Variants in NMBR observed in about 807,000 individuals in gnomAD.
NMBR encodes the protein neuromedin-B receptor.
In NMBR, 16 loss-of-function variants were observed where a neutral mutation model predicts 20.5. The observed-to-expected ratio is 0.78, with a 90% confidence interval of 0.53 to 1.19. NMBR has a LOEUF of 1.19. Among genes scored for constraint, NMBR ranks in the 50% most tolerant of loss-of-function variants. The pLI, the probability that NMBR is intolerant of heterozygous loss-of-function variation, is 0.00. For synonymous variants in NMBR, 212 were observed against 196.6 expected (o/e 1.08, Z -0.65); for missense variants, 582 against 499.1 (o/e 1.17, Z -1.58).
chr6:142,131,201 A>G (rs983996331), intron 1 of NMBR, among the ~76,000 whole-genome samples: 2 of 152,186 alleles, frequency 1.3e-5, no homozygotes, highest in African/African-American at 4.8e-5. Context: ...CTATAATTAG[A>G]TGACAGTTTT....
Position 142,075,517 on chromosome 6 carries a change from T to C in NMBR, c.*131A>G, listed in dbSNP as rs1053148268. ...AATAAAGTCTAGTGTAGAGAAAAAA[T>C]GTCTTGCATTTTCTGAGTCAATCAT... On this transcript the variant is annotated 3_prime_UTR_variant, in exon 4 of 4. Coordinates refer to ENST00000258042, the MANE Select transcript of NMBR (RefSeq NM_002511.4). 3 of 790,494 alleles carry C rather than the reference T, an allele frequency of 3.8e-6. No individual in the cohort carries two copies. Among genetic ancestry groups the C allele is most frequent in the Middle Eastern group, 2.4e-4 (1 of 4,226 alleles). 49.0% of individuals were successfully genotyped at this position (790,494 alleles called of 1,614,324 possible).
intron 1 of NMBR, among the ~76,000 whole-genome samples, chr6:142,134,258 G>C (rs1300389399): frequency 1.3e-5 from 2 of 151,918 alleles, no homozygotes; most frequent in Non-Finnish European, 2.9e-5. Context: ...TTATTCTCCA[G>C]ATCTATATTT....
chr6:142,135,354 T>G (rs1778233359), intron 1 of NMBR, among the ~76,000 whole-genome samples: 2 of 152,156 alleles, frequency 1.3e-5, no homozygotes, highest in African/African-American at 4.8e-5. Flanking sequence ...GTGTAATTAT[T>G]TTGCATTCAT....
chr6:142,133,773 T>C, intron 1 of NMBR: 1 of 534,792 alleles, frequency 1.9e-6, no homozygotes, highest in East Asian at 2.8e-5. Context: ...TTTTTAAATG[T>C]GATATAAGGA....
chr6:142,091,681 T>C (rs1003019773), intron 1 of NMBR, among the ~76,000 whole-genome samples: 2 of 152,240 alleles, frequency 1.3e-5, no homozygotes, highest in African/African-American at 4.8e-5. Flanking sequence ...AGAGACCTCA[T>C]GAAACTGCAT....
intron 1 of NMBR, among the ~76,000 whole-genome samples, chr6:142,118,492 TGACTAA>T (rs1221315338): frequency 6.6e-6 from 1 of 152,008 alleles, no homozygotes; most frequent in Admixed American, 6.6e-5. Context: ...GAAGGACTGA[TGACTAA>T]GTTGCCTAGA....
intron 1 of NMBR, among the ~76,000 whole-genome samples, chr6:142,138,927 G>A (rs769817110): frequency 3.9e-5 from 6 of 152,126 alleles, no homozygotes; most frequent in Non-Finnish European, 8.8e-5. Flanking sequence ...TGTTATATAT[G>A]ACCAGTGTAG....
intron 1 of NMBR, among the ~76,000 whole-genome samples, chr6:142,128,331 A>G (rs1363622669): frequency 6.6e-6 from 1 of 152,106 alleles, no homozygotes. Context: ...ATTTATTTAT[A>G]GCAATGCATG....
intron 2 of NMBR, among the ~76,000 whole-genome samples, chr6:142,085,600 T>C (rs534346394): frequency 6.6e-6 from 1 of 152,334 alleles, no homozygotes; most frequent in South Asian, 2.1e-4. Context: ...ACAAGGTGTT[T>C]TAGGCCTCAA....
At chr6:142,095,381 C>A (rs1163515406) in intron 1 of NMBR, among the ~76,000 whole-genome samples, 3 of 151,974 alleles carry the variant, frequency 2.0e-5, no homozygotes, top group African/African-American at 4.8e-5. Flanking sequence ...GAATTTTGTC[C>A]AAGGCCTTTT....
At chr6:142,085,523 C>CA (rs200361316) in intron 2 of NMBR, among the ~76,000 whole-genome samples, 3 of 151,876 alleles carry the variant, frequency 2.0e-5, no homozygotes, top group Admixed American at 6.6e-5. Flanking sequence ...GATTCTGTCT[C>CA]AAAAAAATAA....
intron 1 of NMBR, among the ~76,000 whole-genome samples, chr6:142,106,394 A>G (rs1488861616): frequency 6.6e-6 from 1 of 152,156 alleles, no homozygotes; most frequent in East Asian, 1.9e-4. Context: ...GCTCTAATCT[A>G]AAAACATAAA....
At chr6:142,086,113 A>G (rs1777194655) in intron 2 of NMBR, among the ~76,000 whole-genome samples, 1 of 151,714 alleles carries the variant, frequency 6.6e-6, no homozygotes, top group Non-Finnish European at 1.5e-5. Context: ...AATTTCTTAT[A>G]CCAAGAATTG....
At chr6:142,083,497 G>A (rs1044213037) in intron 2 of NMBR, among the ~76,000 whole-genome samples, 42 of 152,054 alleles carry the variant, frequency 2.8e-4, no homozygotes, top group Admixed American at 2.5e-3. Flanking sequence ...CCTGTCGCAG[G>A]TCTGATATGG....
chr6:142,117,635 A>T (rs1777877786), intron 1 of NMBR, among the ~76,000 whole-genome samples: 1 of 151,966 alleles, frequency 6.6e-6, no homozygotes, highest in Admixed American at 6.6e-5. Context: ...GTTTTAATTA[A>T]TTAATCTGGA....
chr6:142,137,348 A>G (rs1248283023), intron 1 of NMBR, among the ~76,000 whole-genome samples: 2 of 152,156 alleles, frequency 1.3e-5, no homozygotes, highest in Non-Finnish European at 2.9e-5. Flanking sequence ...TTGATTTTGT[A>G]TCCTGAGACT....
chr6:142,088,870 G>T lies in NMBR; in HGVS notation c.-212C>A. On this transcript the variant is annotated 5_prime_UTR_variant, in exon 2 of 4. Transcript: ENST00000258042. Reference sequence around the variant, plus strand: ...CTCGGGCGCTCCGCTTCTAGAGGGGGGAAATGGCTCCGGCTAACTCTGAAT... The same window carrying T: ...CTCGGGCGCTCCGCTTCTAGAGGGGTGAAATGGCTCCGGCTAACTCTGAAT... 2.0e-6 allele frequency: 1 copy of T among 496,006 alleles called. No individual in the cohort carries two copies. Among genetic ancestry groups the T allele is most frequent in the South Asian group, 4.0e-5 (1 of 24,934 alleles). The allele number at this position is 496,006 out of a possible 1,614,324, so 30.7% of individuals were successfully genotyped here.
intron 1 of NMBR, among the ~76,000 whole-genome samples, chr6:142,096,239 G>A (rs2114575785): frequency 6.6e-6 from 1 of 152,184 alleles, no homozygotes; most frequent in Non-Finnish European, 1.5e-5. Flanking sequence ...TTTTAATTGT[G>A]ATGTTAGGGT....
intron 2 of NMBR, among the ~76,000 whole-genome samples, chr6:142,083,051 T>G (rs185027541): frequency 1.3e-5 from 2 of 152,304 alleles, no homozygotes; most frequent in Admixed American, 6.5e-5. Flanking sequence ...ATGGCAATAT[T>G]ATGAATCTTG....
Sources: allele counts gnomAD v4.1 joint callset (sites outside exome capture counted in the v4.1 genomes callset), GRCh38; gene constraint gnomAD v4.1.1; transcripts MANE v1.5; gene names NCBI Gene and HGNC (gene_info 2026-07-23, HGNC 2026-07-21).